SLC24A2: variants seen among roughly 807,000 people sequenced by gnomAD.
SLC24A2 encodes the protein solute carrier family 24 member 2.
In SLC24A2, 36 loss-of-function variants were observed where a neutral mutation model predicts 62.0. The ratio of observed to expected loss-of-function variants is 0.58; its 90% CI spans 0.44 to 0.77. SLC24A2 has a LOEUF of 0.77. Among genes scored for constraint, SLC24A2 ranks in the 30% least tolerant of loss-of-function variants. SLC24A2 has a pLI of 0.00. For missense variants in SLC24A2, 846 were observed against 817.9 expected, an observed-to-expected ratio of 1.03 and a Z score of -0.42; for synonymous variants, 358 against 294.0, an observed-to-expected ratio of 1.22 and a Z score of -2.23.
the SLC24A2 span, among the ~76,000 whole-genome samples, chr9:20,076,867 A>ATATATATATACATATCATATGTG: frequency 1.7e-5 from 1 of 58,762 alleles, no homozygotes; most frequent in African/African-American, 7.6e-5. Flanking sequence ...ATATGTATAT[A>ATATATATATACATATCATATGTG]TATATATATA....
the SLC24A2 span, among the ~76,000 whole-genome samples, chr9:19,885,898 C>T: frequency 6.6e-6 from 1 of 152,086 alleles, no homozygotes; most frequent in Non-Finnish European, 1.5e-5. Context: ...TGTCCTGCAG[C>T]CCATCCATGT....
chr9:19,740,091 G>A (rs563197744), intron 2 of SLC24A2, among the ~76,000 whole-genome samples: 1 of 152,296 alleles, frequency 6.6e-6, no homozygotes, highest in South Asian at 2.1e-4. Context: ...TACAGACAAT[G>A]CCAAGTGATG....
chr9:20,213,085 T>C, the SLC24A2 span, among the ~76,000 whole-genome samples: 1 of 151,624 alleles, frequency 6.6e-6, no homozygotes, highest in African/African-American at 2.4e-5. Flanking sequence ...GGGCTTAATA[T>C]GTAGGTGATG....
At chr9:20,093,709 T>C in the SLC24A2 span, among the ~76,000 whole-genome samples, 8 of 152,254 alleles carry the variant, frequency 5.3e-5, no homozygotes, top group African/African-American at 1.9e-4. Context: ...GGATTGTTAA[T>C]GGGTACAAAA....
At position 19,639,855 on chromosome 9, in the gene SLC24A2, C is replaced by T. The variant is rs572080948; in HGVS notation, c.931-17556G>A. On this transcript the variant is annotated intron_variant, in intron 2 of 10. Coordinates refer to ENST00000341998, the MANE Select transcript of SLC24A2 (RefSeq NM_020344.4). ...AGAGGAAGCAAACCAACCTTTGAAA[C>T]ATAAGGCATAGTAGAGGGAGGAAAG... is the stretch of plus-strand genomic sequence containing the variant. Among the ~76,000 whole-genome samples, 13 of 152,302 alleles carry T rather than the reference C, an allele frequency of 8.5e-5. 1 individual carries two copies. The South Asian group carries it at 2.7e-3, about 32-fold the overall frequency.
chr9:20,167,775 A>T, the SLC24A2 span, among the ~76,000 whole-genome samples: 3 of 152,028 alleles, frequency 2.0e-5, no homozygotes, highest in Non-Finnish European at 2.9e-5. Context: ...GCTGGAGTGC[A>T]GTGGCAAGAT....
At chr9:20,109,229 G>T in the SLC24A2 span, among the ~76,000 whole-genome samples, 1 of 152,168 alleles carries the variant, frequency 6.6e-6, no homozygotes, top group Non-Finnish European at 1.5e-5. Flanking sequence ...ATCCTTAAGT[G>T]ATATATGACT....
chr9:20,303,255 G>A, the SLC24A2 span, among the ~76,000 whole-genome samples: 1 of 152,044 alleles, frequency 6.6e-6, no homozygotes, highest in Non-Finnish European at 1.5e-5. Context: ...GGGGAAACAG[G>A]GGCCTCCAAA....
At chr9:19,548,842 A>T (rs963838046) in intron 8 of SLC24A2, among the ~76,000 whole-genome samples, 1 of 152,176 alleles carries the variant, frequency 6.6e-6, no homozygotes, top group East Asian at 1.9e-4. Flanking sequence ...TGTATTTCCG[A>T]GTATACTGTG....
At chr9:19,791,809 A>C (rs1222842709), upstream of SLC24A2, among the ~76,000 whole-genome samples, 2 of 152,224 alleles carry the variant, frequency 1.3e-5, no homozygotes, top group African/African-American at 4.8e-5. Context: ...TAGATTAATC[A>C]ATGGGTCTCT....
chr9:19,679,838 CTGTGTG>C (rs58253967), intron 2 of SLC24A2, among the ~76,000 whole-genome samples: 1,461 of 142,462 alleles, frequency 0.01, 17 homozygotes, highest in African/African-American at 0.026. Context: ...CTCACATATA[CTGTGTG>C]TGTGTGTGTG....
chr9:20,261,830 C>T, the SLC24A2 span, among the ~76,000 whole-genome samples: 1 of 143,296 alleles, frequency 7.0e-6, no homozygotes, highest in African/African-American at 2.6e-5. Context: ...AGCTCTGCCT[C>T]CCAGATTCAC....
chr9:19,516,272 G>T lies in SLC24A2; in HGVS notation c.1867C>A (p.Leu623Ile), dbSNP rs778041995. The T allele has an allele frequency of 1.2e-6, 2 of 1,614,184 alleles. No individual in the cohort carries two copies. The highest frequency in any genetic ancestry group is 8.5e-7 in the Non-Finnish European group (1 of 1,180,034). ...MLLFVILSIALCKWRMNKILG... is the reference protein window; with the variant it reads ...MLLFVILSIAICKWRMNKILG... Reference sequence around the variant, plus strand: ...ATTTTGTTCATTCGCCACTTGCAGAGGGCGATAGAGAGGATGACGAAGAGC... The same window carrying T: ...ATTTTGTTCATTCGCCACTTGCAGATGGCGATAGAGAGGATGACGAAGAGC... Residue 623 changes from leucine (L) to isoleucine (I), a missense_variant, in exon 11 of 11, where the codon CTC becomes ATC. Physicochemically the swap from Leu to Ile is conservative, Grantham distance 5. Transcript: ENST00000341998.
chr9:19,901,437 G>A, the SLC24A2 span, among the ~76,000 whole-genome samples: 2 of 152,158 alleles, frequency 1.3e-5, no homozygotes, highest in Non-Finnish European at 2.9e-5. Context: ...TGCAGGCTGG[G>A]AAGTATAGCC....
At chr9:19,560,895 GTGTATATATA>G (rs1287941907) in intron 7 of SLC24A2, among the ~76,000 whole-genome samples, 3 of 25,732 alleles carry the variant, frequency 1.2e-4, no homozygotes, top group African/African-American at 4.1e-4. Flanking sequence ...GTGTGTGTGT[GTGTATATATA>G]TATATATATA....
the SLC24A2 span, among the ~76,000 whole-genome samples, chr9:20,010,744 C>A: frequency 1.4e-3 from 204 of 149,488 alleles, 2 homozygotes; most frequent in Non-Finnish European, 5.3e-4. Context: ...TATCTCCTAA[C>A]GCTATCCCTC....
chr9:20,041,970 G>A, the SLC24A2 span, among the ~76,000 whole-genome samples: 14 of 152,196 alleles, frequency 9.2e-5, no homozygotes, highest in East Asian at 7.7e-4. Flanking sequence ...CACTGTGGCC[G>A]CAGCAGCTAC....
intron 7 of SLC24A2, among the ~76,000 whole-genome samples, chr9:19,556,966 A>G (rs1835122400): frequency 6.6e-6 from 1 of 152,198 alleles, no homozygotes; most frequent in Admixed American, 6.5e-5. Flanking sequence ...GTCTGCAGTC[A>G]TTTAGGAGCT....
chr9:20,045,925 A>G, the SLC24A2 span, among the ~76,000 whole-genome samples: 3 of 152,312 alleles, frequency 2.0e-5, no homozygotes, highest in South Asian at 6.2e-4. Flanking sequence ...GGCTGGTTCT[A>G]GAGCCACACT....
Sources: allele counts gnomAD v4.1 joint callset (sites outside exome capture counted in the v4.1 genomes callset), GRCh38; gene constraint gnomAD v4.1.1; transcripts MANE v1.5; gene names NCBI Gene and HGNC (gene_info 2026-07-23, HGNC 2026-07-21).